Variants in DSCAM observed in about 807,000 individuals in gnomAD.
DSCAM encodes cell adhesion molecule DSCAM.
Under a neutral mutation model 217.7 loss-of-function variants are expected in DSCAM, and 47 were observed. That is an observed-to-expected ratio of 0.22 (90% confidence interval 0.17 to 0.28). The LOEUF (loss-of-function observed/expected upper bound fraction) is 0.28. Ranked by LOEUF, DSCAM falls within the 10% of genes least tolerant of loss-of-function variation. The pLI, the probability that DSCAM is intolerant of heterozygous loss-of-function variation, is 1.00. For synonymous variants in DSCAM, 1,056 were observed against 1,015.3 expected (o/e 1.04, Z -0.76); for missense variants, 2,080 against 2,618.3 (o/e 0.79, Z 4.49).
intron 30 of DSCAM, 138 bp from the exon 31 acceptor site, chr21:40,044,413 G>T: frequency 1.3e-6 from 1 of 772,412 alleles, no homozygotes; most frequent in Non-Finnish European, 2.1e-6. Flanking sequence ...GACTTCTCCT[G>T]TGCAGAGGAT....
chr21:40,088,818 G>A (rs1389684392), intron 21 of DSCAM, among the ~76,000 whole-genome samples: 1 of 152,140 alleles, frequency 6.6e-6, no homozygotes. Flanking sequence ...AGAGTTAGGG[G>A]CTTTCCAGCT....
At chr21:40,653,542 C>A (rs75019209) in intron 3 of DSCAM, among the ~76,000 whole-genome samples, 2 of 152,036 alleles carry the variant, frequency 1.3e-5, no homozygotes, top group African/African-American at 4.8e-5. Context: ...AGATGCCGGC[C>A]GTGAATTGGT....
At chr21:40,084,810 G>C (rs927408417) in intron 23 of DSCAM, among the ~76,000 whole-genome samples, 5 of 151,224 alleles carry the variant, frequency 3.3e-5, no homozygotes, top group East Asian at 1.9e-4. Context: ...AAATTCCCTG[G>C]AATTCTCCTG....
chr21:40,487,110 T>A (rs1018464804), intron 3 of DSCAM, among the ~76,000 whole-genome samples: 1 of 152,166 alleles, frequency 6.6e-6, no homozygotes, highest in South Asian at 2.1e-4. Context: ...GCACAAAGGT[T>A]TGATCCTTTA....
At chr21:40,453,313 G>A (rs1290851354) in intron 3 of DSCAM, among the ~76,000 whole-genome samples, 2 of 152,106 alleles carry the variant, frequency 1.3e-5, no homozygotes, top group East Asian at 1.9e-4. Context: ...GCAATGCACA[G>A]TCCTGTCATA....
chr21:40,374,361 C>G (rs1403154530), intron 3 of DSCAM, among the ~76,000 whole-genome samples: 1 of 152,224 alleles, frequency 6.6e-6, no homozygotes, highest in Non-Finnish European at 1.5e-5. Flanking sequence ...GCAGGGCCCC[C>G]TTTCAATTGC....
intron 21 of DSCAM, among the ~76,000 whole-genome samples, chr21:40,090,214 ACTGGGATCTT>A (rs1465640705): frequency 5.9e-5 from 9 of 151,860 alleles, no homozygotes; most frequent in African/African-American, 2.2e-4. Flanking sequence ...CTCCCTCTCT[ACTGGGATCTT>A]CCCGTTACCA....
chr21:40,649,559 G>A (rs2089989315), intron 3 of DSCAM, among the ~76,000 whole-genome samples: 1 of 152,138 alleles, frequency 6.6e-6, no homozygotes, highest in Non-Finnish European at 1.5e-5. Flanking sequence ...GCCTCTTTAT[G>A]TGCTCTGACA....
Position 40,339,144 on chromosome 21 carries a change from C to G in DSCAM, c.1482G>C (p.Leu494=). ...CTCTTACGTTTATTCGAGCCTGGTA[C>G]AGGACGACTCCCGCCGAGTTGTTGG... The part of the protein sequence containing the change: ...CTANNSAGVV[L]YQARINVRGP... The change falls in exon 7 of 33, where the codon CTG becomes CTC. Residue 494 remains leucine, a synonymous_variant. Coordinates refer to ENST00000400454, the MANE Select transcript of DSCAM (RefSeq NM_001389.5). The G allele has an allele frequency of 1.2e-6, 2 of 1,614,126 alleles. No individual in the cohort carries two copies. Among genetic ancestry groups the G allele is most frequent in the Non-Finnish European group, 1.7e-6 (2 of 1,180,032 alleles).
At chr21:40,655,783 G>A (rs1291632141) in intron 3 of DSCAM, among the ~76,000 whole-genome samples, 1 of 152,100 alleles carries the variant, frequency 6.6e-6, no homozygotes, top group East Asian at 1.9e-4. Flanking sequence ...ACCTGGCATG[G>A]TAGGTCATGC....
Position 40,516,906 on chromosome 21 carries a change from T to TATAC in DSCAM, c.509-147662_509-147661insGTAT, listed in dbSNP as rs1555849637. Among the ~76,000 whole-genome samples, 39 of 145,580 alleles carry TATAC rather than the reference T, an allele frequency of 2.7e-4. No individual in the cohort carries two copies. The East Asian group carries it at 3.6e-3, about 13-fold the overall frequency. On this transcript the variant is annotated intron_variant, in intron 3 of 32. Transcript: ENST00000400454. ...CACACACCATATATATATATATATA[T>TATAC]ACACACACACACATATACCTTATAT...
intron 3 of DSCAM, among the ~76,000 whole-genome samples, chr21:40,421,149 GT>G (rs1463600471): frequency 6.6e-6 from 1 of 152,164 alleles, no homozygotes; most frequent in Non-Finnish European, 1.5e-5. Flanking sequence ...AGGAATTGAT[GT>G]GTGTTCAAGA....
chr21:40,605,791 CTTTTTTTTTTT>C (rs755767800), intron 3 of DSCAM, among the ~76,000 whole-genome samples: 84 of 62,008 alleles, frequency 1.4e-3, no homozygotes, highest in South Asian at 1.5e-3. Context: ...AATGCACATT[CTTTTTTTTTTT>C]TTTTTTTTTT....
At chr21:40,287,585 G>A (rs73227008) in intron 10 of DSCAM, among the ~76,000 whole-genome samples, 6,067 of 152,230 alleles carry the variant, frequency 0.04, 220 homozygotes, top group African/African-American at 0.093. Context: ...CCTCCATCTT[G>A]CATGGAAACG....
At chr21:40,541,107 T>A (rs939608441) in intron 3 of DSCAM, among the ~76,000 whole-genome samples, 1 of 152,192 alleles carries the variant, frequency 6.6e-6, no homozygotes, top group Admixed American at 6.5e-5. Flanking sequence ...GGAAGTCTTT[T>A]TATACATCAA....
At chr21:40,225,981 G>T (rs2091329498) in intron 11 of DSCAM, among the ~76,000 whole-genome samples, 1 of 152,150 alleles carries the variant, frequency 6.6e-6, no homozygotes, top group Non-Finnish European at 1.5e-5. Context: ...TTCCCTTATG[G>T]GTTTGATAAA....
chr21:40,507,520 G>A (rs950542867), intron 3 of DSCAM, among the ~76,000 whole-genome samples: 1 of 152,114 alleles, frequency 6.6e-6, no homozygotes, highest in Non-Finnish European at 1.5e-5. Flanking sequence ...GCTGGATGTG[G>A]TGACTCACAC....
chr21:40,637,235 AAATATAAAT>A lies in DSCAM; in HGVS notation c.508+55566_508+55574del, dbSNP rs1358063024. Among the ~76,000 whole-genome samples the A allele has an allele frequency of 5.1e-4, 3 of 5,906 alleles. 1 individual carries two copies. The African/African-American group carries it at 6.6e-3, about 13-fold the overall frequency. 3.9% of individuals were successfully genotyped at this position (5,906 alleles called of 152,430 possible). A position where few individuals can be genotyped will look rare whatever the true frequency, so the allele number is the denominator to read the frequency against. Reference sequence around the variant, plus strand: ...TATATAAATATAAATATATATATATAAATATAAATATATATATAAATATATATAAATATA... The same window carrying A: ...TATATAAATATAAATATATATATATAATATATATAAATATATATAAATATA... On this transcript the variant is annotated intron_variant, in intron 3 of 32. Coordinates refer to ENST00000400454, the MANE Select transcript of DSCAM (RefSeq NM_001389.5).
intron 11 of DSCAM, among the ~76,000 whole-genome samples, chr21:40,220,189 T>G (rs1170961561): frequency 6.6e-6 from 1 of 152,186 alleles, no homozygotes; most frequent in African/African-American, 2.4e-5. Flanking sequence ...AAGCAGGCTT[T>G]GGGAAGATGT....
Sources: allele counts gnomAD v4.1 joint callset (sites outside exome capture counted in the v4.1 genomes callset), GRCh38; gene constraint gnomAD v4.1.1; transcripts MANE v1.5; gene names NCBI Gene and HGNC (gene_info 2026-07-23, HGNC 2026-07-21).